The following EIF4G3 variants were observed in gnomAD, a reference collection of about 807,000 sequenced individuals.
EIF4G3 encodes the protein eIF-4-gamma 3.
EIF4G3 carries 34 observed loss-of-function variants against 186.4 expected under a neutral mutation model. That is an observed-to-expected ratio of 0.18 (90% confidence interval 0.14 to 0.24). The LOEUF is 0.24. EIF4G3 is among the 10% of genes least tolerant of loss of function. The pLI, the probability that EIF4G3 is intolerant of heterozygous loss-of-function variation, is 1.00. For synonymous variants in EIF4G3, 673 were observed against 679.5 expected (o/e 0.99, Z 0.15); for missense variants, 1,536 against 1,948.5 (o/e 0.79, Z 3.99).
At chr1:20,889,129 A>C (rs898640208) in intron 18 of EIF4G3, among the ~76,000 whole-genome samples, 2 of 152,226 alleles carry the variant, frequency 1.3e-5, no homozygotes, top group African/African-American at 4.8e-5. Context: ...GTTTTCAAAA[A>C]TGTATTATGA....
At position 20,849,449 on chromosome 1, in the gene EIF4G3, A is replaced by G; in HGVS notation, c.3854T>C (p.Ile1285Thr). ...ATTAATGTGTAGAAATTCATCAATG[A>G]TAGATTTCGACTTCCTCTCCAGTTC... The part of the protein sequence containing the change: ...EEELERKSKS[I>T]IDEFLHINDF... Residue 1285 changes from isoleucine (I) to threonine (T), a missense_variant, in exon 29 of 37, where the codon ATC (isoleucine) becomes ACC (threonine). Transcript: ENST00000602326. The G allele has an allele frequency of 6.4e-7, 1 of 1,560,652 alleles. No homozygotes were observed. Among genetic ancestry groups the G allele is most frequent in the Non-Finnish European group, 8.6e-7 (1 of 1,157,320 alleles).
In EIF4G3 at chr1:20,966,549, G is replaced by A. The variant is rs146641325; in HGVS notation, c.714+2925C>T. 5.2e-3 allele frequency among the ~76,000 whole-genome samples: 782 copies of A among 150,312 alleles called. 7 individuals are homozygous for A. Among genetic ancestry groups the A allele is most frequent in the African/African-American group, 0.018 (751 of 40,830 alleles). On this transcript the variant is annotated intron_variant, in intron 12 of 36. Coordinates refer to ENST00000602326, the MANE Select transcript of EIF4G3 (RefSeq NM_001391906.1). ...AATGCAGTGGTGCTCTCAGCTCACT[G>A]CAACCTCTGCCTCCCGGGTTCAAGC...
intron 28 of EIF4G3, among the ~76,000 whole-genome samples, chr1:20,850,851 C>T (rs1035464338): frequency 6.6e-6 from 1 of 152,150 alleles, no homozygotes; most frequent in African/African-American, 2.4e-5. Flanking sequence ...AAGATGAAGT[C>T]AGCTAAAGAT....
chr1:20,947,175 C>T (rs1020673068), intron 13 of EIF4G3, among the ~76,000 whole-genome samples: 3 of 151,916 alleles, frequency 2.0e-5, no homozygotes, highest in South Asian at 2.1e-4. Context: ...GGCAAAACCT[C>T]GCCTCTAGAA....
rs752046857 is a variant in EIF4G3, at chr1:20,849,542, G to GC, written c.3773-13dup. The GC allele has an allele frequency of 6.5e-6, 9 of 1,387,800 alleles. No homozygotes were observed. The highest frequency in any genetic ancestry group is 2.6e-5 in the Admixed American group (1 of 38,994). 86.0% of individuals were successfully genotyped at this position (1,387,800 alleles called of 1,614,324 possible). ...AATTTCTGGTTTTGCTATTAGTGAG[G>GC]CCCCCCAAAAAAAGTAAAAATAATA... On this transcript the variant is annotated splice_polypyrimidine_tract_variant and intron_variant, in intron 28 of 36. Transcript: ENST00000602326.
rs572835021 is a variant in EIF4G3, at chr1:21,133,097, T to A, written c.-272+43078A>T. ...TCATGCCCGGCCCCAAATTTTTCAT[T>A]ATGAACATTTACTACATTTGTTTCA... On this transcript the variant is annotated intron_variant, in intron 2 of 36. Coordinates refer to ENST00000602326, the MANE Select transcript of EIF4G3 (RefSeq NM_001391906.1). Among the ~76,000 whole-genome samples, 5 of 152,222 alleles carry A rather than the reference T, an allele frequency of 3.3e-5. No individual in the cohort carries two copies. In the South Asian group the frequency reaches 1.0e-3, roughly 32 times the overall value.
At chr1:21,081,791 G>A (rs1237791249) in intron 3 of EIF4G3, among the ~76,000 whole-genome samples, 1 of 151,860 alleles carries the variant, frequency 6.6e-6, no homozygotes, top group Non-Finnish European at 1.5e-5. Flanking sequence ...ACTGGCTCAC[G>A]CCACCATACC....
intron 28 of EIF4G3, among the ~76,000 whole-genome samples, chr1:20,850,538 T>C (rs1189826334): frequency 2.0e-5 from 3 of 152,198 alleles, no homozygotes; most frequent in African/African-American, 4.8e-5. Context: ...TGACTAATAT[T>C]TAAAAGAGGC....
At position 20,899,770 on chromosome 1, in the gene EIF4G3, C is replaced by T. The variant is rs781480996; in HGVS notation, c.1926G>A (p.Glu642=). The T allele has an allele frequency of 6.2e-7, 1 of 1,614,130 alleles. No individual in the cohort carries two copies. Among genetic ancestry groups the T allele is most frequent in the South Asian group, 1.1e-5 (1 of 91,084 alleles). The change falls in exon 16 of 37, where the codon GAG becomes GAA. Residue 642 remains glutamate (E), a synonymous_variant. Coordinates refer to ENST00000602326, the MANE Select transcript of EIF4G3 (RefSeq NM_001391906.1). The stretch of plus-strand genomic sequence containing the variant: ...CTGAATTAGCATCTATTCCTTCACC[C>T]TCAGAAACACTCTCAGCACCATTAC... ...PVRNGAESVS[E]GEGIDANSGS...
At chr1:21,108,104 C>T (rs967783420) in intron 2 of EIF4G3, among the ~76,000 whole-genome samples, 1 of 152,190 alleles carries the variant, frequency 6.6e-6, no homozygotes, top group African/African-American at 2.4e-5. Flanking sequence ...TGAGATCACA[C>T]CACTGCACTC....
At chr1:20,934,882 T>C (rs2095469462) in intron 14 of EIF4G3, among the ~76,000 whole-genome samples, 1 of 152,192 alleles carries the variant, frequency 6.6e-6, no homozygotes, top group African/African-American at 2.4e-5. Context: ...TCTGATCATA[T>C]TATTTAAATA....
intron 3 of EIF4G3, among the ~76,000 whole-genome samples, chr1:21,059,513 C>T (rs1406715118): frequency 6.6e-6 from 1 of 150,808 alleles, no homozygotes; most frequent in East Asian, 1.9e-4. Flanking sequence ...CATTTGAATT[C>T]TGTTAATATC....
Position 21,029,784 on chromosome 1 carries a change from T to C in EIF4G3, c.-67+21082A>G, listed in dbSNP as rs113818452. Among the ~76,000 whole-genome samples the C allele has an allele frequency of 6.4e-3, 968 of 152,158 alleles. 15 individuals carry two copies. Among genetic ancestry groups the C allele is most frequent in the East Asian group, 0.024 (124 of 5,172 alleles). ...AATTAAAAGGTTGTAGGCTGTGAAATAGGTATAACAGGACTGGCATGGGAT... is the reference window on the plus strand; with the variant it reads ...AATTAAAAGGTTGTAGGCTGTGAAACAGGTATAACAGGACTGGCATGGGAT... On this transcript the variant is annotated intron_variant, in intron 4 of 36. Coordinates refer to ENST00000602326, the MANE Select transcript of EIF4G3 (RefSeq NM_001391906.1).
intron 18 of EIF4G3, 120 bp from the exon 19 acceptor site, chr1:20,886,491 T>C: frequency 1.2e-6 from 1 of 869,518 alleles, no homozygotes; most frequent in Non-Finnish European, 1.7e-6. Flanking sequence ...GGGTACTAGG[T>C]ACTCAAACTG....
intron 4 of EIF4G3, among the ~76,000 whole-genome samples, chr1:21,009,371 G>A (rs117112287): frequency 2.6e-5 from 4 of 152,014 alleles, no homozygotes; most frequent in South Asian, 2.1e-4. Context: ...GTGGAGATAG[G>A]GTCTTGCCAA....
In EIF4G3 at chr1:21,059,124, A is replaced by T. The variant is rs547186061; in HGVS notation, c.-195-8130T>A. On this transcript the variant is annotated intron_variant, in intron 3 of 36. Transcript: ENST00000602326. ...AGCAACAAATGATTCCTATAAAGGT[A>T]AAAGGCACATGGTTTATATGTGTGA... 1.1e-4 allele frequency among the ~76,000 whole-genome samples: 17 copies of T among 152,304 alleles called. No homozygotes were observed. The East Asian group carries it at 2.9e-3, about 26-fold the overall frequency.
At chr1:20,864,801 G>A in intron 21 of EIF4G3, 89 bp from the exon 22 acceptor site, 2 of 1,138,390 alleles carry the variant, frequency 1.8e-6, no homozygotes, top group South Asian at 2.9e-5. Flanking sequence ...GAATCCCCGT[G>A]AGAATCTGAT....
intron 34 of EIF4G3, among the ~76,000 whole-genome samples, chr1:20,814,756 TCCCCCTCCCCCTCCCC>T (rs1570899536): frequency 1.8e-3 from 43 of 23,660 alleles, no homozygotes; most frequent in Middle Eastern, 0.014. Context: ...CATCTCCCCC[TCCCCCTCCCCCTCCCC>T]CTCCCCCTCC....
At chr1:20,928,707 T>A (rs186823303) in intron 14 of EIF4G3, among the ~76,000 whole-genome samples, 24 of 152,300 alleles carry the variant, frequency 1.6e-4, no homozygotes, top group African/African-American at 4.8e-4. Flanking sequence ...CCCCTCTTTT[T>A]AAAATATATA....
Sources: gnomAD v4.1 joint callset for allele counts (sites outside exome capture counted in the v4.1 genomes callset) on GRCh38, gnomAD v4.1.1 for gene constraint, MANE v1.5 for transcripts, NCBI Gene and HGNC (gene_info 2026-07-23, HGNC 2026-07-21) for gene names.